The following SHROOM3 variants were observed in gnomAD, a reference collection of about 807,000 sequenced individuals.
SHROOM3 encodes shroom family member 3.
A neutral mutation model predicts 138.6 loss-of-function variants in SHROOM3; 47 were observed. The observed-to-expected ratio is 0.34, with a 90% CI of 0.27 to 0.43. The LOEUF (loss-of-function observed/expected upper bound fraction) is 0.43. Among genes scored for constraint, SHROOM3 ranks in the 20% least tolerant of loss-of-function variants. The pLI, the probability that SHROOM3 is intolerant of heterozygous loss-of-function variation, is 1.00. For missense variants in SHROOM3, 2,491 were observed against 2,596.5 expected, an observed-to-expected ratio of 0.96 and a Z score of 0.88; for synonymous variants, 1,062 against 1,063.3, an observed-to-expected ratio of 1.00 and a Z score of 0.02.
chr4:76,774,256 G>A (rs539722168), intron 10 of SHROOM3, among the ~76,000 whole-genome samples: 3 of 152,220 alleles, frequency 2.0e-5, no homozygotes, highest in East Asian at 1.9e-4. Context: ...TTTTAGAACC[G>A]AATTAAATTC....
chr4:76,710,063 G>C, intron 2 of SHROOM3, 93 bp from the exon 3 acceptor site: 1 of 1,581,108 alleles, frequency 6.3e-7, no homozygotes, highest in Non-Finnish European at 8.7e-7. Context: ...TCCGGGGTTC[G>C]TTTTCATGTG....
intron 2 of SHROOM3, among the ~76,000 whole-genome samples, chr4:76,656,808 A>C (rs924830717): frequency 2.0e-5 from 3 of 152,208 alleles, no homozygotes; most frequent in Non-Finnish European, 4.4e-5. Context: ...TGAAAAATGG[A>C]AATAATCATC....
At chr4:76,486,093 G>A (rs534598400) in intron 1 of SHROOM3, among the ~76,000 whole-genome samples, 7 of 152,132 alleles carry the variant, frequency 4.6e-5, no homozygotes, top group Non-Finnish European at 1.0e-4. Flanking sequence ...AAATAAGTGC[G>A]TGCTGCCATT....
chr4:76,620,768 G>A (rs184997390), intron 2 of SHROOM3, among the ~76,000 whole-genome samples: 4 of 152,252 alleles, frequency 2.6e-5, no homozygotes, highest in African/African-American at 7.2e-5. Flanking sequence ...TGGGAACTTA[G>A]GGTCACCAGG....
chr4:76,738,922 G>C lies in SHROOM3; in HGVS notation c.749G>C (p.Ser250Thr). The C allele has an allele frequency of 6.2e-7, 1 of 1,614,212 alleles. No homozygotes were observed. Among genetic ancestry groups the C allele is most frequent in the Non-Finnish European group, 8.5e-7 (1 of 1,180,052 alleles). Reference sequence around the variant, plus strand: ...TCCACCGGCAGCATTGACCAGCTCAGCCACTTCCATAACAAGAGAGACTCG... The same window carrying C: ...TCCACCGGCAGCATTGACCAGCTCACCCACTTCCATAACAAGAGAGACTCG... ...AKSTGSIDQLSHFHNKRDSAY... is the reference protein window; with the variant it reads ...AKSTGSIDQLTHFHNKRDSAY... Residue 250 changes from serine (S) to threonine (T), a missense_variant, in exon 5 of 11, where the codon AGC becomes ACC. Ser to Thr is a moderately conservative substitution (Grantham distance 58, BLOSUM62 1). Transcript: ENST00000296043.
intron 1 of SHROOM3, among the ~76,000 whole-genome samples, chr4:76,540,301 A>T (rs1711773888): frequency 6.6e-6 from 1 of 152,170 alleles, no homozygotes; most frequent in Non-Finnish European, 1.5e-5. Flanking sequence ...ACCCTTGAGA[A>T]TTCTTTTGCT....
intron 1 of SHROOM3, among the ~76,000 whole-genome samples, chr4:76,469,749 G>T (rs1221101305): frequency 6.6e-6 from 1 of 152,220 alleles, no homozygotes; most frequent in African/African-American, 2.4e-5. Context: ...GAGCCACCAG[G>T]CCCAGCTCCC....
chr4:76,519,521 A>G (rs1301512274), intron 1 of SHROOM3, among the ~76,000 whole-genome samples: 1 of 152,212 alleles, frequency 6.6e-6, no homozygotes, highest in Non-Finnish European at 1.5e-5. Flanking sequence ...CAGGAAGATA[A>G]TGAATCGCAG....
intron 1 of SHROOM3, among the ~76,000 whole-genome samples, chr4:76,486,786 C>T (rs1731740008): frequency 6.6e-6 from 1 of 152,070 alleles, no homozygotes; most frequent in African/African-American, 2.4e-5. Flanking sequence ...GAAATGTTTC[C>T]AGAAGTATCC....
At chr4:76,555,224 T>C (rs1302772162) in intron 1 of SHROOM3, among the ~76,000 whole-genome samples, 1 of 152,092 alleles carries the variant, frequency 6.6e-6, no homozygotes, top group Admixed American at 6.5e-5. Context: ...TGGTCCCTGG[T>C]GCCAAAAAGT....
intron 2 of SHROOM3, among the ~76,000 whole-genome samples, chr4:76,665,288 G>A (rs1391950580): frequency 6.6e-6 from 1 of 152,162 alleles, no homozygotes; most frequent in South Asian, 2.1e-4. Context: ...ATGTGGCCTG[G>A]CTGGGATCCA....
At chr4:76,451,988 G>A (rs1336417708) in intron 1 of SHROOM3, among the ~76,000 whole-genome samples, 3 of 152,104 alleles carry the variant, frequency 2.0e-5, no homozygotes, top group Non-Finnish European at 4.4e-5. Flanking sequence ...CTATAGGCGT[G>A]CGCCACCATG....
In SHROOM3 at chr4:76,590,371, C is replaced by T. The variant is rs180873713; in HGVS notation, c.323+34608C>T. 5.1e-3 allele frequency among the ~76,000 whole-genome samples: 780 copies of T among 152,262 alleles called. 7 individuals carry two copies. Among genetic ancestry groups the T allele is most frequent in the Non-Finnish European group, 7.8e-3 (529 of 68,026 alleles). On this transcript the variant is annotated intron_variant, in intron 2 of 10. Transcript: ENST00000296043. ...TCTGAAGGTGGCTGGCCTGCATTGC[C>T]TCCGAAGGTATTTCAGGAATGTTAA...
intron 2 of SHROOM3, among the ~76,000 whole-genome samples, chr4:76,663,189 A>G (rs888933780): frequency 6.6e-5 from 10 of 152,202 alleles, no homozygotes; most frequent in Admixed American, 6.5e-4. Flanking sequence ...AACTGGCTAA[A>G]TCTATTCCAA....
intron 1 of SHROOM3, among the ~76,000 whole-genome samples, chr4:76,484,093 A>G (rs1247148847): frequency 6.6e-6 from 1 of 152,168 alleles, no homozygotes; most frequent in Non-Finnish European, 1.5e-5. Flanking sequence ...GTACATCTAT[A>G]TAACAAACCT....
intron 1 of SHROOM3, among the ~76,000 whole-genome samples, chr4:76,525,943 C>CT (rs1732679828): frequency 6.6e-6 from 1 of 152,192 alleles, no homozygotes; most frequent in Admixed American, 6.5e-5. Flanking sequence ...TCCAGAGAAG[C>CT]TTGAACTTTA....
At chr4:76,442,862 A>G (rs1730724154) in intron 1 of SHROOM3, among the ~76,000 whole-genome samples, 1 of 152,010 alleles carries the variant, frequency 6.6e-6, no homozygotes, top group South Asian at 2.1e-4. Context: ...TGCTTAAACT[A>G]TACGTAACAA....
At chr4:76,532,440 T>TA (rs981499809) in intron 1 of SHROOM3, 2 of 152,182 alleles carry the variant, frequency 1.3e-5, no homozygotes, top group African/African-American at 2.4e-5. Context: ...TGAGAGCTGT[T>TA]ACAATTTGTT....
rs147161470 is a variant in SHROOM3, at chr4:76,596,881, C to G, written c.323+41118C>G. Among the ~76,000 whole-genome samples the G allele has an allele frequency of 3.9e-3, 588 of 152,284 alleles. 2 individuals carry two copies. Among genetic ancestry groups the G allele is most frequent in the Middle Eastern group, 0.014 (4 of 294 alleles). On this transcript the variant is annotated intron_variant, in intron 2 of 10. Coordinates refer to ENST00000296043, the MANE Select transcript of SHROOM3 (RefSeq NM_020859.4). ...CCCCGGAGCCATCACTGGGCTCTAC[C>G]CCATGTGCCCCACAGCTCTAGAGCC...
Sources: gnomAD v4.1 joint callset for allele counts (sites outside exome capture counted in the v4.1 genomes callset) on GRCh38, gnomAD v4.1.1 for gene constraint, MANE v1.5 for transcripts, NCBI Gene and HGNC (gene_info 2026-07-23, HGNC 2026-07-21) for gene names.